FHIT: variants seen among roughly 807,000 people sequenced by gnomAD.
FHIT encodes bis(5'-adenosyl)-triphosphatase.
In FHIT, 19 loss-of-function variants were observed where a neutral mutation model predicts 17.9. That is an observed-to-expected ratio of 1.06 (90% CI 0.74 to 1.56). The LOEUF is 1.56. FHIT is among the 40% of genes most tolerant of loss of function. The probability of loss-of-function intolerance (pLI) is 0.00; values close to 1 mark genes in which losing one functional copy is unlikely to be tolerated. For synonymous variants in FHIT, 81 were observed against 69.7 expected, an observed-to-expected ratio of 1.16 and a Z score of -0.81; for missense variants, 248 against 189.2, an observed-to-expected ratio of 1.31 and a Z score of -1.82.
intron 2 of FHIT, among the ~76,000 whole-genome samples, chr3:61,123,401 G>A (rs1437051375): frequency 6.6e-6 from 1 of 151,996 alleles, no homozygotes; most frequent in Non-Finnish European, 1.5e-5. Flanking sequence ...ACCTAATGTA[G>A]ATGACAGGTT....
chr3:59,976,840 A>T (rs1708434911), intron 7 of FHIT, among the ~76,000 whole-genome samples: 2 of 152,142 alleles, frequency 1.3e-5, no homozygotes, highest in African/African-American at 2.4e-5. Context: ...TACAACAAAG[A>T]CATCCTGACC....
At chr3:60,497,486 C>T (rs954087013) in intron 5 of FHIT, among the ~76,000 whole-genome samples, 1 of 152,168 alleles carries the variant, frequency 6.6e-6, no homozygotes, top group Non-Finnish European at 1.5e-5. Flanking sequence ...ATGAAAATTA[C>T]ATAATTCTTT....
Position 61,177,734 on chromosome 3 carries a change from G to A in FHIT, c.-164+22883C>T, listed in dbSNP as rs149509256. 1.6e-3 allele frequency among the ~76,000 whole-genome samples: 249 copies of A among 152,194 alleles called. 2 individuals carry two copies. Among genetic ancestry groups the A allele is most frequent in the Non-Finnish European group, 2.7e-3 (182 of 68,004 alleles). On this transcript the variant is annotated intron_variant, in intron 2 of 9. Coordinates refer to ENST00000492590, the MANE Select transcript of FHIT (RefSeq NM_002012.4). ...CAAACCTATCTCACATGACTGATACGTTTGCCTTTAACAAAACAACCCCGG... is the reference window on the plus strand; with the variant it reads ...CAAACCTATCTCACATGACTGATACATTTGCCTTTAACAAAACAACCCCGG...
At chr3:60,862,468 C>T (rs1190802721) in intron 3 of FHIT, among the ~76,000 whole-genome samples, 1 of 152,038 alleles carries the variant, frequency 6.6e-6, no homozygotes, top group Non-Finnish European at 1.5e-5. Flanking sequence ...TGCACCCAGC[C>T]AAAATATGAT....
chr3:60,678,183 A>G (rs2040666200), intron 4 of FHIT, among the ~76,000 whole-genome samples: 1 of 152,138 alleles, frequency 6.6e-6, no homozygotes, highest in East Asian at 1.9e-4. Context: ...ACCAATTTAT[A>G]TCATTCAAAC....
chr3:60,055,736 A>G (rs941954880), intron 5 of FHIT, among the ~76,000 whole-genome samples: 2 of 152,208 alleles, frequency 1.3e-5, no homozygotes, highest in Non-Finnish European at 2.9e-5. Flanking sequence ...TGCAAACTTT[A>G]GCTCAGAGAG....
At chr3:60,044,508 G>T (rs1384824993) in intron 5 of FHIT, among the ~76,000 whole-genome samples, 1 of 152,036 alleles carries the variant, frequency 6.6e-6, no homozygotes, top group Non-Finnish European at 1.5e-5. Context: ...GCACTCCTTG[G>T]TTAAGTGTTT....
At chr3:60,157,992 G>C (rs141956799) in intron 5 of FHIT, among the ~76,000 whole-genome samples, 31 of 152,292 alleles carry the variant, frequency 2.0e-4, no homozygotes, top group African/African-American at 6.5e-4. Flanking sequence ...AAAGAGACTA[G>C]TTGTTCTTCC....
Position 60,313,347 on chromosome 3 carries a change from G to C in FHIT, c.103+223513C>G, listed in dbSNP as rs557046784. ...TTAGGTGCCTTCTCAAGTAGGTCAA[G>C]CAACCGCATTTATATTGTCTACATT... is the stretch of plus-strand genomic sequence containing the variant. On this transcript the variant is annotated intron_variant, in intron 5 of 9. Coordinates refer to ENST00000492590, the MANE Select transcript of FHIT (RefSeq NM_002012.4). Among the ~76,000 whole-genome samples, 361 of 152,314 alleles carry C rather than the reference G, an allele frequency of 2.4e-3. 1 individual carries two copies. Among genetic ancestry groups the C allele is most frequent in the African/African-American group, 8.2e-3 (343 of 41,592 alleles).
intron 4 of FHIT, among the ~76,000 whole-genome samples, chr3:60,720,070 G>A (rs535193116): frequency 7.9e-5 from 12 of 152,298 alleles, no homozygotes; most frequent in East Asian, 1.9e-4. Context: ...CCTCTGTTGA[G>A]GGGGTCGCTT....
chr3:60,305,992 A>T (rs929126390), intron 5 of FHIT, among the ~76,000 whole-genome samples: 5 of 152,134 alleles, frequency 3.3e-5, no homozygotes, highest in African/African-American at 1.2e-4. Flanking sequence ...ACTAATTTTA[A>T]AAGTTGTATT....
chr3:60,541,976 G>T (rs375814394), intron 4 of FHIT, among the ~76,000 whole-genome samples: 13 of 152,110 alleles, frequency 8.5e-5, no homozygotes, highest in Middle Eastern at 6.8e-3. Flanking sequence ...TCTGTGTTCA[G>T]TCCCATTCCC....
intron 8 of FHIT, among the ~76,000 whole-genome samples, chr3:59,859,699 C>T (rs551735225): frequency 7.2e-5 from 11 of 152,198 alleles, no homozygotes; most frequent in East Asian, 1.9e-4. Context: ...CCAGCCTGGG[C>T]GACAGAGGGA....
intron 4 of FHIT, among the ~76,000 whole-genome samples, chr3:60,728,700 C>CAGAT (rs1178455699): frequency 1.5e-5 from 1 of 64,758 alleles, no homozygotes; most frequent in African/African-American, 6.0e-5. Flanking sequence ...TTTTCACACA[C>CAGAT]ACATACACAC....
At chr3:59,773,458 T>C (rs1220840487) in intron 8 of FHIT, among the ~76,000 whole-genome samples, 1 of 152,234 alleles carries the variant, frequency 6.6e-6, no homozygotes, top group Non-Finnish European at 1.5e-5. Flanking sequence ...ATGAGCTCAA[T>C]GTTAAGTGGT....
chr3:60,417,301 T>C (rs1702287163), intron 5 of FHIT, among the ~76,000 whole-genome samples: 1 of 152,188 alleles, frequency 6.6e-6, no homozygotes, highest in Middle Eastern at 3.4e-3. Context: ...TCAGTAAAAA[T>C]GCAAGCTATG....
chr3:61,161,008 T>C (rs2107092987), intron 2 of FHIT, among the ~76,000 whole-genome samples: 1 of 152,240 alleles, frequency 6.6e-6, no homozygotes, highest in Non-Finnish European at 1.5e-5. Context: ...AAATTGTTCA[T>C]AAATATTATG....
chr3:60,686,482 A>G (rs1383264154), intron 4 of FHIT, among the ~76,000 whole-genome samples: 3 of 152,012 alleles, frequency 2.0e-5, no homozygotes, highest in Non-Finnish European at 2.9e-5. Context: ...TGGGGAACCA[A>G]TTACTCATAT....
In FHIT at chr3:61,140,242, C is replaced by A. The variant is rs556940136; in HGVS notation, c.-164+60375G>T. Among the ~76,000 whole-genome samples, 78 of 152,124 alleles carry A rather than the reference C, an allele frequency of 5.1e-4. No individual in the cohort carries two copies. The Middle Eastern group carries it at 0.01, about 20-fold the overall frequency. ...TTATTGGATTTCTATACTTAATAAACAATGAATATGATGATGACGATGATG... is the reference window on the plus strand; with the variant it reads ...TTATTGGATTTCTATACTTAATAAAAAATGAATATGATGATGACGATGATG... On this transcript the variant is annotated intron_variant, in intron 2 of 9. Coordinates refer to ENST00000492590, the MANE Select transcript of FHIT (RefSeq NM_002012.4).
Sources: gnomAD v4.1 joint callset for allele counts (sites outside exome capture counted in the v4.1 genomes callset) on GRCh38, gnomAD v4.1.1 for gene constraint, MANE v1.5 for transcripts, NCBI Gene and HGNC (gene_info 2026-07-23, HGNC 2026-07-21) for gene names.